SLC10A7: variants seen among roughly 807,000 people sequenced by gnomAD.
SLC10A7 encodes sodium/bile acid cotransporter 7.
In SLC10A7, 29 loss-of-function variants were observed where a neutral mutation model predicts 43.2. The ratio of observed to expected loss-of-function variants is 0.67; its 90% CI spans 0.50 to 0.92. The LOEUF is 0.92. SLC10A7 is among the 40% of genes least tolerant of loss of function. The pLI is 0.00. For missense variants in SLC10A7, 295 were observed against 403.2 expected, an observed-to-expected ratio of 0.73 and a Z score of 2.30; for synonymous variants, 152 against 144.8, an observed-to-expected ratio of 1.05 and a Z score of -0.35.
At chr4:146,418,553 A>AT (rs544188837) in intron 5 of SLC10A7, among the ~76,000 whole-genome samples, 8 of 152,240 alleles carry the variant, frequency 5.3e-5, no homozygotes, top group African/African-American at 1.4e-4. Flanking sequence ...AAAGCTAAAG[A>AT]TTTTTTTTAA....
intron 5 of SLC10A7, among the ~76,000 whole-genome samples, chr4:146,380,196 A>G (rs1420356595): frequency 1.3e-5 from 2 of 152,264 alleles, no homozygotes; most frequent in East Asian, 3.9e-4. Context: ...ATCAATCTAC[A>G]ACCCTATCAA....
At chr4:146,441,149 T>A (rs77980485) in intron 5 of SLC10A7, among the ~76,000 whole-genome samples, 6,344 of 151,978 alleles carry the variant, frequency 0.042, 195 homozygotes, top group South Asian at 0.15. Flanking sequence ...TTTTGATCAA[T>A]TAACTGAATT....
chr4:146,443,425 T>C (rs1730766007), intron 4 of SLC10A7, among the ~76,000 whole-genome samples: 1 of 152,194 alleles, frequency 6.6e-6, no homozygotes, highest in African/African-American at 2.4e-5. Flanking sequence ...GACTCTCTGC[T>C]TACCTAAATA....
At chr4:146,406,238 T>G (rs1414878077) in intron 5 of SLC10A7, among the ~76,000 whole-genome samples, 1 of 152,156 alleles carries the variant, frequency 6.6e-6, no homozygotes, top group African/African-American at 2.4e-5. Context: ...CCATATACAA[T>G]TATAGAATTT....
intron 4 of SLC10A7, among the ~76,000 whole-genome samples, chr4:146,487,480 T>C (rs1406201079): frequency 6.6e-6 from 1 of 152,208 alleles, no homozygotes; most frequent in African/African-American, 2.4e-5. Context: ...ACACTGACAG[T>C]CATCCCTCAG....
chr4:146,270,298 T>G (rs188930868), intron 10 of SLC10A7, among the ~76,000 whole-genome samples: 343 of 152,366 alleles, frequency 2.3e-3, no homozygotes, highest in African/African-American at 7.6e-3. Context: ...TGTTTTTCTA[T>G]TCTCCTCTGT....
chr4:146,283,415 C>G (rs1340493466), intron 9 of SLC10A7, 150 bp from the exon 10 acceptor site: 2 of 638,882 alleles, frequency 3.1e-6, no homozygotes, highest in Non-Finnish European at 5.5e-6. Flanking sequence ...ACAGAAGTGT[C>G]TGGATTTCTT....
At chr4:146,369,829 TTG>T (rs1736643028) in intron 5 of SLC10A7, among the ~76,000 whole-genome samples, 1 of 152,160 alleles carries the variant, frequency 6.6e-6, no homozygotes, top group Non-Finnish European at 1.5e-5. Flanking sequence ...TAAAACTTAA[TTG>T]TACAGACTGC....
intron 5 of SLC10A7, among the ~76,000 whole-genome samples, chr4:146,369,306 T>C (rs73852807): frequency 0.024 from 3,687 of 152,294 alleles, 162 homozygotes; most frequent in African/African-American, 0.085. Context: ...GTTAGTGTTA[T>C]TGTGAGGATT....
At chr4:146,302,136 A>G (rs59916828) in intron 7 of SLC10A7, among the ~76,000 whole-genome samples, 9,063 of 152,266 alleles carry the variant, frequency 0.06, 360 homozygotes, top group South Asian at 0.16. Flanking sequence ...ATTAATAAGG[A>G]AATTTCCAAG....
intron 4 of SLC10A7, among the ~76,000 whole-genome samples, chr4:146,482,839 C>T (rs1015703880): frequency 6.6e-6 from 1 of 151,860 alleles, no homozygotes; most frequent in African/African-American, 2.4e-5. Context: ...ACTTTAAAAG[C>T]AACAAAAGAG....
At position 146,354,690 on chromosome 4, in the gene SLC10A7, A is replaced by G. The variant is rs879410085; in HGVS notation, c.436-28694T>C. Among the ~76,000 whole-genome samples, 5 of 151,412 alleles carry G rather than the reference A, an allele frequency of 3.3e-5. 1 individual carries two copies. In the South Asian group the frequency reaches 1.0e-3, roughly 32 times the overall value. On this transcript the variant is annotated intron_variant, in intron 5 of 11. Coordinates refer to ENST00000335472, the MANE Select transcript of SLC10A7 (RefSeq NM_001029998.6). ...AGCATGGTACTGTACCAAAACAGAG[A>G]TATAGATCAATGGAACAGAACAGAG...
At chr4:146,276,255 G>A (rs1045919285) in intron 10 of SLC10A7, among the ~76,000 whole-genome samples, 2 of 152,106 alleles carry the variant, frequency 1.3e-5, no homozygotes, top group Non-Finnish European at 2.9e-5. Flanking sequence ...TATAACAAAA[G>A]TATTTGTTGT....
intron 4 of SLC10A7, among the ~76,000 whole-genome samples, chr4:146,451,931 C>T (rs1019966990): frequency 6.6e-6 from 1 of 152,000 alleles, no homozygotes; most frequent in Non-Finnish European, 1.5e-5. Context: ...GGAGAGATAG[C>T]CACTCTAATG....
chr4:146,321,439 A>G (rs1469602357), intron 6 of SLC10A7, among the ~76,000 whole-genome samples: 1 of 152,100 alleles, frequency 6.6e-6, no homozygotes, highest in Non-Finnish European at 1.5e-5. Context: ...CTATTCCAGT[A>G]TGTCCTCATC....
chr4:146,360,042 C>T (rs1735933090), intron 5 of SLC10A7, among the ~76,000 whole-genome samples: 1 of 152,164 alleles, frequency 6.6e-6, no homozygotes, highest in Non-Finnish European at 1.5e-5. Context: ...ACCTGTTCTT[C>T]TGTACCCACC....
intron 4 of SLC10A7, among the ~76,000 whole-genome samples, chr4:146,491,276 C>T (rs972472422): frequency 6.6e-6 from 1 of 152,108 alleles, no homozygotes; most frequent in Non-Finnish European, 1.5e-5. Context: ...TCAAAATAGC[C>T]TGAAGACCAA....
At chr4:146,293,866 C>T in intron 8 of SLC10A7, 64 bp downstream of exon 8, 1 of 1,058,668 alleles carries the variant, frequency 9.4e-7, no homozygotes, top group Non-Finnish European at 1.3e-6. Context: ...AGAGAACACA[C>T]AGTGCTACGC....
chr4:146,361,438 A>G (rs556575143), intron 5 of SLC10A7, among the ~76,000 whole-genome samples: 1 of 152,290 alleles, frequency 6.6e-6, no homozygotes, highest in East Asian at 1.9e-4. Context: ...TTGCCTGGTA[A>G]TCCAGGAAAT....
Sources: allele counts gnomAD v4.1 joint callset (sites outside exome capture counted in the v4.1 genomes callset), GRCh38; gene constraint gnomAD v4.1.1; transcripts MANE v1.5; gene names NCBI Gene and HGNC (gene_info 2026-07-23, HGNC 2026-07-21).